Variants in H2BC18 observed in about 807,000 individuals in gnomAD.
H2BC18 encodes the protein H2B clustered histone 18.
A neutral mutation model predicts 6.3 loss-of-function variants in H2BC18; 8 were observed. That is an observed-to-expected ratio of 1.28 (90% confidence interval 0.75 to 2.31). The LOEUF (loss-of-function observed/expected upper bound fraction) is 2.31, where lower values mean the gene tolerates loss of function less well. Among genes scored for constraint, H2BC18 ranks in the 30% most tolerant of loss-of-function variants. The pLI is 0.00. For synonymous variants in H2BC18, 104 were observed against 78.1 expected, an observed-to-expected ratio of 1.33 and a Z score of -1.75; for missense variants, 106 against 174.5, an observed-to-expected ratio of 0.61 and a Z score of 2.21.
At chr1:149,800,460 C>T (rs1338544363) in intron 1 of H2BC18, among the ~76,000 whole-genome samples, 1 of 146,000 alleles carries the variant, frequency 6.8e-6, no homozygotes, top group African/African-American at 2.6e-5. Context: ...TTTCTGGTCA[C>T]CAGCCCCCAT....
chr1:149,788,419 G>C, intron 1 of H2BC18: 1 of 1,613,664 alleles, frequency 6.2e-7, no homozygotes, highest in East Asian at 2.2e-5. Flanking sequence ...AGAACCTCTG[G>C]CCTTGAGGTG....
At chr1:149,800,383 C>A (rs1253080336) in intron 1 of H2BC18, among the ~76,000 whole-genome samples, 1 of 151,266 alleles carries the variant, frequency 6.6e-6, no homozygotes, top group African/African-American at 2.4e-5. Context: ...TAACCTTCAG[C>A]CCCTCTCCCC....
intron 1 of H2BC18, among the ~76,000 whole-genome samples, chr1:149,806,296 A>G (rs1553753854): frequency 6.6e-6 from 1 of 152,212 alleles, no homozygotes; most frequent in African/African-American, 2.4e-5. Context: ...GAGAATAATT[A>G]AGAAAGTTAT....
chr1:149,809,630 TC>T (rs2091953697), downstream of H2BC18, among the ~76,000 whole-genome samples: 1 of 145,254 alleles, frequency 6.9e-6, no homozygotes, highest in Non-Finnish European at 1.5e-5. Context: ...AGCATATGTC[TC>T]TAGCAGAAGA....
intron 1 of H2BC18, among the ~76,000 whole-genome samples, chr1:149,802,682 C>T (rs1462470937): frequency 6.6e-6 from 1 of 152,178 alleles, no homozygotes; most frequent in Non-Finnish European, 1.5e-5. Context: ...CAGTCTGAGT[C>T]CAAAAGCCTC....
chr1:149,807,719 G>A (rs1490326446), downstream of H2BC18, among the ~76,000 whole-genome samples: 5 of 151,684 alleles, frequency 3.3e-5, no homozygotes, highest in East Asian at 3.9e-4. Flanking sequence ...CAGGAGAATC[G>A]CTTGAACCCG....
chr1:149,809,304 CAT>C (rs1377267764), downstream of H2BC18, among the ~76,000 whole-genome samples: 1 of 134,016 alleles, frequency 7.5e-6, no homozygotes, highest in Non-Finnish European at 1.6e-5. Flanking sequence ...ATTTTAGCTA[CAT>C]AGATACATCG....
At chr1:149,803,671 C>T (rs1189599435) in intron 1 of H2BC18, 4 of 152,244 alleles carry the variant, frequency 2.6e-5, no homozygotes, top group Admixed American at 6.5e-5. Context: ...AGTGGTTCTT[C>T]TACTTTGCTG....
At chr1:149,803,997 C>T (rs1235730332) in intron 1 of H2BC18, 1 of 152,300 alleles carries the variant, frequency 6.6e-6, no homozygotes, top group Non-Finnish European at 1.5e-5. Flanking sequence ...TGATTAAATC[C>T]AAAATCATCA....
chr1:149,793,924 C>A (rs1553752520), intron 1 of H2BC18: 1 of 1,285,584 alleles, frequency 7.8e-7, no homozygotes, highest in African/African-American at 1.5e-5. Context: ...TAAATGCCTT[C>A]AGGATTTAGG....
At chr1:149,793,007 C>T (rs2091750378) in intron 1 of H2BC18, 1 of 1,266,952 alleles carries the variant, frequency 7.9e-7, no homozygotes, top group Non-Finnish European at 1.0e-6. Flanking sequence ...GTAGCTGAGT[C>T]CCTCCAACCC....
intron 1 of H2BC18, among the ~76,000 whole-genome samples, chr1:149,800,596 A>G (rs1184013107): frequency 2.1e-5 from 3 of 141,620 alleles, no homozygotes; most frequent in African/African-American, 8.0e-5. Flanking sequence ...GACCAAATAT[A>G]TATTTCATAA....
At chr1:149,809,316 G>A (rs1360561486), downstream of H2BC18, among the ~76,000 whole-genome samples, 24 of 139,132 alleles carry the variant, frequency 1.7e-4, no homozygotes, top group South Asian at 1.4e-3. Flanking sequence ...TAGATACATC[G>A]GCTCAAGGGA....
intron 1 of H2BC18, chr1:149,784,390 A>C (rs599581): frequency 6.6e-7 from 1 of 1,522,540 alleles, no homozygotes; most frequent in African/African-American, 1.4e-5. Flanking sequence ...TACCAGGTGA[A>C]ACTAAATCAG....
downstream of H2BC18, among the ~76,000 whole-genome samples, chr1:149,806,898 G>T (rs2101489528): frequency 6.6e-6 from 1 of 152,294 alleles, no homozygotes; most frequent in South Asian, 2.1e-4. Context: ...GGTCAGAGAA[G>T]TGAATGTGGG....
At chr1:149,803,589 C>A (rs1291652329) in intron 1 of H2BC18, 1 of 152,192 alleles carries the variant, frequency 6.6e-6, no homozygotes, top group African/African-American at 2.4e-5. Context: ...TCTTTACCAA[C>A]TTTGGGAAAG....
At chr1:149,799,949 A>G (rs2091847683) in intron 1 of H2BC18, among the ~76,000 whole-genome samples, 1 of 151,946 alleles carries the variant, frequency 6.6e-6, no homozygotes, top group Non-Finnish European at 1.5e-5. Flanking sequence ...ACTCCAATTC[A>G]ATTTTTACAC....
chr1:149,791,521 C>T (rs782080002), intron 1 of H2BC18: 33 of 1,610,380 alleles, frequency 2.0e-5, no homozygotes, highest in African/African-American at 4.0e-5. Flanking sequence ...CACGTAGCAG[C>T]GGCTCAGTGG....
downstream of H2BC18, chr1:149,811,870 C>T (rs2091978845): frequency 1.7e-5 from 23 of 1,372,406 alleles, no homozygotes; most frequent in Non-Finnish European, 2.3e-5. Flanking sequence ...CAGCTGCTTT[C>T]TCGATTACTG....
Sources: allele counts gnomAD v4.1 joint callset (sites outside exome capture counted in the v4.1 genomes callset), GRCh38; gene constraint gnomAD v4.1.1; transcripts MANE v1.5; gene names NCBI Gene and HGNC (gene_info 2026-07-23, HGNC 2026-07-21).